TRPM3: variants seen among roughly 807,000 people sequenced by gnomAD.
TRPM3 encodes long transient receptor potential channel 3.
A neutral mutation model predicts 181.2 loss-of-function variants in TRPM3; 77 were observed. The ratio of observed to expected loss-of-function variants is 0.42; its 90% confidence interval spans 0.35 to 0.51. The LOEUF is 0.51. Among genes scored for constraint, TRPM3 ranks in the 20% least tolerant of loss-of-function variants. The pLI, the probability that TRPM3 is intolerant of heterozygous loss-of-function variation, is 0.01. For missense variants in TRPM3, 1,759 were observed against 2,196.7 expected (o/e 0.80, Z 3.98); for synonymous variants, 745 against 796.4 (o/e 0.94, Z 1.09).
intron 1 of TRPM3, among the ~76,000 whole-genome samples, chr9:71,418,277 G>A (rs1459881163): frequency 1.3e-5 from 2 of 151,828 alleles, no homozygotes; most frequent in African/African-American, 4.8e-5. Context: ...TTTATTAAGA[G>A]GATATCAGGG....
intron 1 of TRPM3, among the ~76,000 whole-genome samples, chr9:71,399,295 T>C (rs2093277808): frequency 6.6e-6 from 1 of 152,120 alleles, no homozygotes. Context: ...TTCAAAGCAC[T>C]AAGAACAAAG....
chr9:71,090,127 A>C (rs951047829), intron 1 of TRPM3, among the ~76,000 whole-genome samples: 16 of 152,126 alleles, frequency 1.1e-4, no homozygotes, highest in Non-Finnish European at 5.9e-5. Flanking sequence ...TCTGTGGCAC[A>C]GTAGAGTCTT....
intron 1 of TRPM3, among the ~76,000 whole-genome samples, chr9:71,371,254 T>C (rs1323729433): frequency 6.6e-6 from 1 of 152,178 alleles, no homozygotes; most frequent in African/African-American, 2.4e-5. Context: ...AATACATTTT[T>C]TAGGTCGATA....
At chr9:70,932,830 C>T (rs1227863729) in intron 1 of TRPM3, among the ~76,000 whole-genome samples, 1 of 152,110 alleles carries the variant, frequency 6.6e-6, no homozygotes, top group Non-Finnish European at 1.5e-5. Flanking sequence ...GGAGGTGTTA[C>T]ACTATGGCTG....
At chr9:70,903,405 A>G (rs1476438849) in intron 1 of TRPM3, among the ~76,000 whole-genome samples, 3 of 152,190 alleles carry the variant, frequency 2.0e-5, no homozygotes, top group African/African-American at 7.2e-5. Flanking sequence ...GCGCCCCTAC[A>G]TGAACATTCT....
At chr9:70,848,926 T>G (rs1279786235) in intron 3 of TRPM3, among the ~76,000 whole-genome samples, 2 of 23,506 alleles carry the variant, frequency 8.5e-5, no homozygotes, top group East Asian at 8.9e-4. Flanking sequence ...GCAGTGAGCC[T>G]AGATCGCGCC....
chr9:71,391,425 G>T (rs1459858863), intron 1 of TRPM3, among the ~76,000 whole-genome samples: 1 of 151,912 alleles, frequency 6.6e-6, no homozygotes. Flanking sequence ...ACGTGATCTT[G>T]CCTAAGATGT....
At chr9:71,277,612 G>A (rs2084324185) in intron 1 of TRPM3, among the ~76,000 whole-genome samples, 1 of 152,062 alleles carries the variant, frequency 6.6e-6, no homozygotes, top group South Asian at 2.1e-4. Context: ...GTCCACAAAA[G>A]AGGCTCATTA....
At chr9:71,330,077 G>C (rs1042007778) in intron 1 of TRPM3, among the ~76,000 whole-genome samples, 1 of 151,852 alleles carries the variant, frequency 6.6e-6, no homozygotes, top group African/African-American at 2.4e-5. Flanking sequence ...AGCAGCTGCA[G>C]CATAGTGCCC....
intron 1 of TRPM3, among the ~76,000 whole-genome samples, chr9:71,106,965 A>G (rs895323413): frequency 2.0e-5 from 3 of 152,076 alleles, no homozygotes; most frequent in African/African-American, 7.2e-5. Flanking sequence ...TTTAATGACT[A>G]ATGAATTTGG....
intron 3 of TRPM3, among the ~76,000 whole-genome samples, chr9:70,850,860 T>C (rs2095199103): frequency 6.6e-6 from 1 of 152,230 alleles, no homozygotes; most frequent in African/African-American, 2.4e-5. Context: ...TGTTCTCTTA[T>C]TTATCAACTT....
chr9:71,239,759 CT>C (rs2081558828), intron 1 of TRPM3, among the ~76,000 whole-genome samples: 1 of 151,986 alleles, frequency 6.6e-6, no homozygotes, highest in Non-Finnish European at 1.5e-5. Context: ...ATTAAATGGG[CT>C]TTCTTTTTTG....
intron 1 of TRPM3, among the ~76,000 whole-genome samples, chr9:70,875,135 G>T (rs1244549667): frequency 6.6e-6 from 1 of 151,814 alleles, no homozygotes; most frequent in African/African-American, 2.4e-5. Context: ...GAACCTGGGG[G>T]ACGCATGACC....
rs561889451 is a variant in TRPM3 at position 70,536,148 on chromosome 9, T to A, written c.4965A>T (p.Pro1655=). The change falls in exon 26 of 26, where the codon CCA becomes CCT. Residue 1655 remains proline, a synonymous_variant. Transcript: ENST00000677713. ...TCCTGGTGTGTGCATATGGCGCACT[T>A]GGCTCCTCTGCCGAGTAGCTGTTGG... ...ERANSYSAEE[P]SAPYAHTRKS... is the part of the protein sequence containing the mutation. 3 of 1,614,244 alleles carry A rather than the reference T, an allele frequency of 1.9e-6. No homozygotes were observed. The African/African-American group carries it at 4.0e-5, about 22-fold the overall frequency.
At chr9:71,416,892 CT>C (rs1170143314) in intron 1 of TRPM3, among the ~76,000 whole-genome samples, 7 of 151,940 alleles carry the variant, frequency 4.6e-5, no homozygotes. Context: ...TTAGACTGGT[CT>C]TTTCTGGCAT....
At chr9:71,364,863 T>G (rs1361568195) in intron 1 of TRPM3, among the ~76,000 whole-genome samples, 4 of 152,232 alleles carry the variant, frequency 2.6e-5, no homozygotes, top group Non-Finnish European at 5.9e-5. Flanking sequence ...TCCTTTTTCT[T>G]TTTAACTGAA....
chr9:70,752,047 T>TGTGC, intron 8 of TRPM3, among the ~76,000 whole-genome samples: 1 of 97,792 alleles, frequency 1.0e-5, no homozygotes, highest in Non-Finnish European at 2.3e-5. Flanking sequence ...TGTGTGTGTG[T>TGTGC]GTGCGCGCGC....
intron 1 of TRPM3, among the ~76,000 whole-genome samples, chr9:70,976,339 C>G (rs1298674021): frequency 1.3e-5 from 2 of 152,184 alleles, no homozygotes; most frequent in Non-Finnish European, 2.9e-5. Context: ...GGTCACACAG[C>G]TAGTGATTTT....
chr9:70,549,859 T>A (rs988865304), intron 24 of TRPM3, among the ~76,000 whole-genome samples, 185 bp from the exon 25 acceptor site: 1 of 152,144 alleles, frequency 6.6e-6, no homozygotes, highest in Admixed American at 6.5e-5. Flanking sequence ...TTTCTGAACA[T>A]GAAATTTATT....
Sources: gnomAD v4.1 joint callset for allele counts (sites outside exome capture counted in the v4.1 genomes callset) on GRCh38, gnomAD v4.1.1 for gene constraint, MANE v1.5 for transcripts, NCBI Gene and HGNC (gene_info 2026-07-23, HGNC 2026-07-21) for gene names.